Variants in TMEM117 observed in about 807,000 individuals in gnomAD.
The protein encoded by TMEM117 is transmembrane protein 117.
In TMEM117, 27 loss-of-function variants were observed where a neutral mutation model predicts 52.4. The ratio of observed to expected loss-of-function variants is 0.51; its 90% confidence interval spans 0.38 to 0.71. The LOEUF (loss-of-function observed/expected upper bound fraction) is 0.71. TMEM117 is among the 30% of genes least tolerant of loss of function. The probability of loss-of-function intolerance (pLI) is 0.00; values close to 1 mark genes in which losing one functional copy is unlikely to be tolerated. For synonymous variants in TMEM117, 215 were observed against 206.3 expected (o/e 1.04, Z -0.36); for missense variants, 556 against 630.5 (o/e 0.88, Z 1.26).
At chr12:44,271,457 G>A (rs543929736) in intron 5 of TMEM117, among the ~76,000 whole-genome samples, 5 of 151,970 alleles carry the variant, frequency 3.3e-5, no homozygotes, top group South Asian at 4.1e-4. Context: ...ATCCATTTAC[G>A]GTCAATCAAT....
chr12:43,979,157 GGTGT>G (rs890136776), intron 3 of TMEM117, among the ~76,000 whole-genome samples: 4 of 151,782 alleles, frequency 2.6e-5, no homozygotes, highest in Admixed American at 2.6e-4. Flanking sequence ...AATCATTTAA[GGTGT>G]GTAAGTTGCT....
intron 5 of TMEM117, among the ~76,000 whole-genome samples, chr12:44,236,298 C>T (rs1485503863): frequency 3.9e-5 from 6 of 152,128 alleles, no homozygotes; most frequent in South Asian, 4.1e-4. Context: ...TTCTCTGACA[C>T]TCTCCTTTGA....
chr12:44,300,665 A>G (rs1187433166), intron 6 of TMEM117, among the ~76,000 whole-genome samples: 4 of 152,202 alleles, frequency 2.6e-5, no homozygotes, highest in Non-Finnish European at 5.9e-5. Context: ...GTTAAATAAT[A>G]TATCTTGGGC....
chr12:44,294,903 A>G (rs2138629482), intron 5 of TMEM117, among the ~76,000 whole-genome samples: 1 of 152,308 alleles, frequency 6.6e-6, no homozygotes, highest in South Asian at 2.1e-4. Flanking sequence ...TTTTCCGTAT[A>G]GTATTTTCAA....
chr12:44,349,003 A>G (rs545452429), intron 6 of TMEM117, among the ~76,000 whole-genome samples: 2 of 152,136 alleles, frequency 1.3e-5, no homozygotes, highest in South Asian at 4.1e-4. Flanking sequence ...AATTAAAACA[A>G]CATGCTTTGG....
intron 1 of TMEM117, among the ~76,000 whole-genome samples, chr12:43,839,196 C>T (rs1344016324): frequency 1.3e-5 from 2 of 152,110 alleles, no homozygotes; most frequent in African/African-American, 2.4e-5. Flanking sequence ...TCAGTAGCTT[C>T]CCTGCTTCTG....
chr12:44,269,559 C>T lies in TMEM117; in HGVS notation c.609-30021C>T, dbSNP rs182202041. On this transcript the variant is annotated intron_variant, in intron 5 of 7. Transcript: ENST00000266534. ...AATGGCTCCATGTTTCTCTCTACCT[C>T]GTCTCCCTTCCTCATCGTCTACATT... Among the ~76,000 whole-genome samples, 221 of 151,896 alleles carry T rather than the reference C, an allele frequency of 1.5e-3. 1 individual carries two copies. Among genetic ancestry groups the T allele is most frequent in the Non-Finnish European group, 2.4e-3 (165 of 67,888 alleles).
At chr12:44,195,260 T>A (rs1949403544) in intron 4 of TMEM117, among the ~76,000 whole-genome samples, 1 of 152,192 alleles carries the variant, frequency 6.6e-6, no homozygotes, top group Non-Finnish European at 1.5e-5. Flanking sequence ...GGTCCCTGTT[T>A]CCTTTCTGGA....
intron 5 of TMEM117, among the ~76,000 whole-genome samples, chr12:44,261,016 A>T (rs1164270309): frequency 6.6e-6 from 1 of 152,254 alleles, no homozygotes; most frequent in Non-Finnish European, 1.5e-5. Context: ...CCTTTACAGG[A>T]CATTATCCAA....
chr12:43,978,738 A>G (rs1451161422), intron 3 of TMEM117, among the ~76,000 whole-genome samples: 2 of 152,150 alleles, frequency 1.3e-5, no homozygotes, highest in African/African-American at 2.4e-5. Context: ...AGTAATTCTT[A>G]TGACATCAGG....
At chr12:43,954,703 A>C (rs2137644862) in intron 3 of TMEM117, among the ~76,000 whole-genome samples, 1 of 152,340 alleles carries the variant, frequency 6.6e-6, no homozygotes, top group Admixed American at 6.5e-5. Flanking sequence ...TACCAGAGGT[A>C]CAAAGAGGAG....
chr12:44,200,840 G>GT (rs1474448033), intron 4 of TMEM117, among the ~76,000 whole-genome samples: 1 of 152,162 alleles, frequency 6.6e-6, no homozygotes, highest in Non-Finnish European at 1.5e-5. Flanking sequence ...TGCGGGTAGA[G>GT]TGTGCTGGCT....
intron 5 of TMEM117, among the ~76,000 whole-genome samples, chr12:44,282,736 A>G (rs1419326805): frequency 6.6e-6 from 1 of 152,238 alleles, no homozygotes; most frequent in Admixed American, 6.5e-5. Context: ...GGAGAAATTC[A>G]AGCCAGCTGC....
At chr12:44,214,515 A>G (rs1949691156) in intron 5 of TMEM117, among the ~76,000 whole-genome samples, 1 of 152,120 alleles carries the variant, frequency 6.6e-6, no homozygotes, top group East Asian at 1.9e-4. Context: ...CCCAGTGGGT[A>G]TTCTAAAACG....
At chr12:43,870,334 A>T in intron 2 of TMEM117, among the ~76,000 whole-genome samples, 1 of 149,310 alleles carries the variant, frequency 6.7e-6, no homozygotes, top group East Asian at 2.0e-4. Flanking sequence ...ATCTCGGCTA[A>T]CTGCAACCTC....
chr12:44,047,579 A>G (rs537681392), intron 3 of TMEM117, among the ~76,000 whole-genome samples: 17 of 152,242 alleles, frequency 1.1e-4, no homozygotes, highest in African/African-American at 3.9e-4. Context: ...TCACTATTTC[A>G]TAGAAGGTAT....
the TMEM117 span, chr12:43,805,402 T>G: frequency 2.7e-6 from 1 of 369,852 alleles, no homozygotes; most frequent in Non-Finnish European, 5.5e-6. Flanking sequence ...AACATACAAT[T>G]AAGTGTTCAT....
Position 44,053,048 on chromosome 12 carries a change from T to G in TMEM117, c.411-90477T>G, listed in dbSNP as rs2137930857. Among the ~76,000 whole-genome samples, 3 of 152,234 alleles carry G rather than the reference T, an allele frequency of 2.0e-5. 1 individual carries two copies. The Middle Eastern group carries it at 0.01, about 518-fold the overall frequency. ...TCACCTCCTTTAAGGTCTTTTTTGG[T>G]GGTCCCTGACACCAACTGGGTGTCC... On this transcript the variant is annotated intron_variant, in intron 3 of 7. Coordinates refer to ENST00000266534, the MANE Select transcript of TMEM117 (RefSeq NM_032256.3).
At chr12:43,962,644 G>A (rs888353071) in intron 3 of TMEM117, among the ~76,000 whole-genome samples, 1 of 152,118 alleles carries the variant, frequency 6.6e-6, no homozygotes, top group Admixed American at 6.6e-5. Flanking sequence ...AGGAGGGGCC[G>A]GGCACGTGGC....
Sources: allele counts gnomAD v4.1 joint callset (sites outside exome capture counted in the v4.1 genomes callset), GRCh38; gene constraint gnomAD v4.1.1; transcripts MANE v1.5; gene names NCBI Gene and HGNC (gene_info 2026-07-23, HGNC 2026-07-21).